KCNMA1: variants seen among roughly 807,000 people sequenced by gnomAD.
The protein encoded by KCNMA1 is Calcium-activated potassium channel subunit alpha-1.
KCNMA1 carries 29 observed loss-of-function variants against 140.0 expected under a neutral mutation model. The ratio of observed to expected loss-of-function variants is 0.21; its 90% CI spans 0.15 to 0.28. The LOEUF is 0.28. KCNMA1 is among the 10% of genes least tolerant of loss of function. The probability of loss-of-function intolerance (pLI) is 1.00; values close to 1 mark genes in which losing one functional copy is unlikely to be tolerated. For missense variants in KCNMA1, 880 were observed against 1,602.2 expected (o/e 0.55, Z 7.70); for synonymous variants, 612 against 611.9 (o/e 1.00, Z 0.00).
At chr10:77,172,830 C>T (rs1370095472) in intron 5 of KCNMA1, among the ~76,000 whole-genome samples, 1 of 152,098 alleles carries the variant, frequency 6.6e-6, no homozygotes, top group Non-Finnish European at 1.5e-5. Flanking sequence ...GCCGGAATGT[C>T]CCAGATCAAG....
intron 1 of KCNMA1, among the ~76,000 whole-genome samples, chr10:77,599,514 T>G (rs184452420): frequency 6.6e-6 from 1 of 152,186 alleles, no homozygotes; most frequent in Non-Finnish European, 1.5e-5. Flanking sequence ...GAGGTGATAG[T>G]GGGCGTTCTT....
At chr10:77,385,182 T>C (rs930282726) in intron 2 of KCNMA1, among the ~76,000 whole-genome samples, 1 of 152,356 alleles carries the variant, frequency 6.6e-6, no homozygotes, top group African/African-American at 2.4e-5. Context: ...TATTGAATTA[T>C]TGATTATTGA....
At chr10:77,506,823 AAGAGAGAG>A (rs147091712) in intron 1 of KCNMA1, among the ~76,000 whole-genome samples, 1 of 89,050 alleles carries the variant, frequency 1.1e-5, no homozygotes, top group Non-Finnish European at 2.0e-5. Flanking sequence ...GAGAGAGAGA[AAGAGAGAG>A]AGAGAGAGAG....
chr10:77,243,548 C>T lies in KCNMA1; in HGVS notation c.602+7647G>A, dbSNP rs144313851. Among the ~76,000 whole-genome samples the T allele has an allele frequency of 7.5e-4, 114 of 152,260 alleles. 2 individuals are homozygous for T. Among genetic ancestry groups the T allele is most frequent in the Middle Eastern group, 3.4e-3 (1 of 294 alleles). ...AGAGTGCCAGGTTGTCCAAAGCATT[C>T]TTTTTAAGTTTTGGAGAGTGGCGAG... On this transcript the variant is annotated intron_variant, in intron 3 of 27. Transcript: ENST00000286628.
At chr10:77,274,302 G>C (rs1487615531) in intron 2 of KCNMA1, among the ~76,000 whole-genome samples, 1 of 151,972 alleles carries the variant, frequency 6.6e-6, no homozygotes, top group African/African-American at 2.4e-5. Context: ...CCAGACCTAG[G>C]GTCCTAAACA....
chr10:76,914,698 T>C (rs2051980693), intron 24 of KCNMA1: 8 of 450,766 alleles, frequency 1.8e-5, no homozygotes, highest in South Asian at 1.8e-4. Flanking sequence ...TCATGCTCCT[T>C]TGAAAACAGT....
intron 17 of KCNMA1, among the ~76,000 whole-genome samples, chr10:77,013,523 C>T (rs1404501408): frequency 1.3e-5 from 2 of 152,164 alleles, no homozygotes; most frequent in Admixed American, 1.3e-4. Flanking sequence ...ACAGGAAGAA[C>T]AGGAAAGTAG....
At chr10:76,942,020 G>A (rs181935005) in intron 23 of KCNMA1, among the ~76,000 whole-genome samples, 176 of 152,250 alleles carry the variant, frequency 1.2e-3, no homozygotes, top group African/African-American at 3.9e-3. Flanking sequence ...CACCCAGGCT[G>A]GAATGCAATG....
chr10:77,522,327 T>A (rs1603632482), intron 1 of KCNMA1, among the ~76,000 whole-genome samples: 1 of 152,014 alleles, frequency 6.6e-6, no homozygotes, highest in East Asian at 1.9e-4. Context: ...GCCTGAGATG[T>A]GCTTTCCCCC....
At chr10:77,352,906 T>C (rs1450081107) in intron 2 of KCNMA1, among the ~76,000 whole-genome samples, 1 of 152,180 alleles carries the variant, frequency 6.6e-6, no homozygotes, top group Admixed American at 6.5e-5. Context: ...TGTAAACTGG[T>C]TGATAATTCA....
intron 2 of KCNMA1, among the ~76,000 whole-genome samples, chr10:77,374,981 C>T (rs1336719396): frequency 1.3e-5 from 2 of 152,170 alleles, no homozygotes; most frequent in African/African-American, 2.4e-5. Context: ...ATACAACTTC[C>T]TTGCCTTTTG....
At chr10:77,133,777 T>C (rs572901592) in intron 5 of KCNMA1, among the ~76,000 whole-genome samples, 2 of 152,258 alleles carry the variant, frequency 1.3e-5, no homozygotes, top group African/African-American at 4.8e-5. Context: ...CACACACATA[T>C]ATTAGTAAAC....
intron 20 of KCNMA1, among the ~76,000 whole-genome samples, chr10:76,955,615 C>T (rs2067959692): frequency 6.6e-6 from 1 of 152,180 alleles, no homozygotes; most frequent in Non-Finnish European, 1.5e-5. Flanking sequence ...GTTGAGAGGT[C>T]TTGAGGTATG....
intron 2 of KCNMA1, among the ~76,000 whole-genome samples, chr10:77,319,030 C>A (rs767516867): frequency 4.6e-5 from 7 of 152,126 alleles, no homozygotes; most frequent in African/African-American, 9.7e-5. Context: ...CCTACTGAGG[C>A]CAGAGTAGTT....
At position 77,637,670 on chromosome 10, in the gene KCNMA1, G is replaced by A. The variant is rs1395663182; in HGVS notation, c.-28C>T. On this transcript the variant is annotated 5_prime_UTR_variant, in exon 1 of 28. Coordinates refer to ENST00000286628, the MANE Select transcript of KCNMA1 (RefSeq NM_001161352.2). ...CTAGCAACGGGCAGCCGGCGCAGGG[G>A]CTCGGGGGAGCTCCTCCCGCCGCCA... is the stretch of plus-strand genomic sequence containing the variant. 5 of 1,457,244 alleles carry A rather than the reference G, an allele frequency of 3.4e-6. No individual in the cohort carries two copies. Among genetic ancestry groups the A allele is most frequent in the Middle Eastern group, 4.8e-4 (2 of 4,156 alleles). The allele number at this position is 1,457,244 out of a possible 1,614,324, so 90.3% of individuals were successfully genotyped here.
intron 1 of KCNMA1, among the ~76,000 whole-genome samples, chr10:77,441,618 T>C (rs1360435732): frequency 1.3e-5 from 2 of 152,068 alleles, no homozygotes; most frequent in Non-Finnish European, 2.9e-5. Context: ...TTTTAATCTT[T>C]CTGTTGACCA....
chr10:77,311,786 G>C (rs901216960), intron 2 of KCNMA1, among the ~76,000 whole-genome samples: 11 of 152,148 alleles, frequency 7.2e-5, no homozygotes, highest in East Asian at 3.9e-4. Flanking sequence ...GGCTGGAGTG[G>C]ATCTGCCTCT....
chr10:77,128,551 G>T (rs2097789641), intron 5 of KCNMA1, among the ~76,000 whole-genome samples: 2 of 152,098 alleles, frequency 1.3e-5, no homozygotes, highest in South Asian at 2.1e-4. Context: ...GATTTAATGG[G>T]CGTGGGGTAC....
At chr10:77,030,679 C>A (rs2093869239) in intron 15 of KCNMA1, among the ~76,000 whole-genome samples, 1 of 152,140 alleles carries the variant, frequency 6.6e-6, no homozygotes, top group Non-Finnish European at 1.5e-5. Context: ...GTACCATCTA[C>A]CAACTGGATA....
Sources: allele counts gnomAD v4.1 joint callset (sites outside exome capture counted in the v4.1 genomes callset), GRCh38; gene constraint gnomAD v4.1.1; transcripts MANE v1.5; gene names NCBI Gene and HGNC (gene_info 2026-07-23, HGNC 2026-07-21).